Variants in SLC26A7 observed in about 807,000 individuals in gnomAD.
The protein encoded by SLC26A7 is anion exchange transporter.
SLC26A7 carries 59 observed loss-of-function variants against 82.5 expected under a neutral mutation model. The observed-to-expected ratio is 0.72, with a 90% CI of 0.58 to 0.89. The LOEUF (loss-of-function observed/expected upper bound fraction) is 0.89, where lower values mean the gene tolerates loss of function less well. Among genes scored for constraint, SLC26A7 ranks in the 40% least tolerant of loss-of-function variants. The pLI is 0.00. For missense variants in SLC26A7, 820 were observed against 793.0 expected, an observed-to-expected ratio of 1.03 and a Z score of -0.41; for synonymous variants, 271 against 274.3, an observed-to-expected ratio of 0.99 and a Z score of 0.12.
At chr8:91,223,728 T>C (rs1810195992) in intron 2 of SLC26A7, among the ~76,000 whole-genome samples, 1 of 152,198 alleles carries the variant, frequency 6.6e-6, no homozygotes, top group African/African-American at 2.4e-5. Context: ...CCTGTCTTGC[T>C]AGGTTGGGGA....
chr8:91,217,715 C>T (rs1366265116), intron 1 of SLC26A7, among the ~76,000 whole-genome samples: 2 of 152,140 alleles, frequency 1.3e-5, no homozygotes, highest in East Asian at 3.8e-4. Flanking sequence ...GGCTTTTGTG[C>T]CAGCACAATG....
At chr8:91,375,660 GTTT>G (rs111393337) in intron 15 of SLC26A7, among the ~76,000 whole-genome samples, 3 of 136,684 alleles carry the variant, frequency 2.2e-5, no homozygotes, top group Non-Finnish European at 1.6e-5. Context: ...CCTTTAAGTT[GTTT>G]TTTTTTTTTT....
intron 14 of SLC26A7, among the ~76,000 whole-genome samples, 162 bp downstream of exon 14, chr8:91,366,879 A>C (rs1814209759): frequency 6.6e-6 from 1 of 152,182 alleles, no homozygotes; most frequent in Non-Finnish European, 1.5e-5. Flanking sequence ...ATTTTTAGGT[A>C]ATCACTCTCT....
intron 14 of SLC26A7, among the ~76,000 whole-genome samples, chr8:91,367,981 G>A (rs960486578): frequency 6.6e-6 from 1 of 152,268 alleles, no homozygotes; most frequent in East Asian, 1.9e-4. Context: ...TTATATACAG[G>A]ATCAGATACG....
chr8:91,247,645 C>CT (rs1462232522), upstream of SLC26A7, among the ~76,000 whole-genome samples: 1 of 152,112 alleles, frequency 6.6e-6, no homozygotes, highest in South Asian at 2.1e-4. Flanking sequence ...TCTACCCTCT[C>CT]TTGGTCTTGA....
In SLC26A7 at chr8:91,316,584, A is replaced by G. The variant is rs1336651448; in HGVS notation, c.478-1632A>G. On this transcript the variant is annotated intron_variant, in intron 4 of 18. Transcript: ENST00000276609. ...CGACCTCCCAAAGTGCTGGGATTAC[A>G]GAAATGAGCCACTGTGCTGGGCTTG... Among the ~76,000 whole-genome samples the G allele has an allele frequency of 2.0e-5, 3 of 148,746 alleles. No homozygotes were observed. The South Asian group carries it at 6.4e-4, about 32-fold the overall frequency.
At chr8:91,320,204 C>T (rs1370655325) in intron 5 of SLC26A7, among the ~76,000 whole-genome samples, 1 of 151,974 alleles carries the variant, frequency 6.6e-6, no homozygotes, top group Non-Finnish European at 1.5e-5. Context: ...CTGGGACTAC[C>T]AGTGCGTGCC....
At chr8:91,382,116 A>G (rs1305761896) in intron 15 of SLC26A7, among the ~76,000 whole-genome samples, 2 of 152,196 alleles carry the variant, frequency 1.3e-5, no homozygotes, top group African/African-American at 4.8e-5. Flanking sequence ...AGAAGCTACT[A>G]CAAATGGAGT....
chr8:91,379,522 A>G (rs1350409596), intron 15 of SLC26A7, among the ~76,000 whole-genome samples: 2 of 152,062 alleles, frequency 1.3e-5, no homozygotes, highest in Admixed American at 1.3e-4. Flanking sequence ...CATGTATTGC[A>G]GTTTTATTTA....
At chr8:91,339,796 C>A (rs1183849569) in intron 7 of SLC26A7, among the ~76,000 whole-genome samples, 1 of 152,030 alleles carries the variant, frequency 6.6e-6, no homozygotes, top group Non-Finnish European at 1.5e-5. Context: ...TTGAACAGTT[C>A]TTTGAAATGG....
At chr8:91,284,482 G>T (rs1298337229) in intron 2 of SLC26A7, among the ~76,000 whole-genome samples, 1 of 152,198 alleles carries the variant, frequency 6.6e-6, no homozygotes, top group African/African-American at 2.4e-5. Context: ...AGCTTTAAAA[G>T]ACTAACCACA....
At chr8:91,335,505 G>A (rs1258595893) in intron 6 of SLC26A7, among the ~76,000 whole-genome samples, 1 of 152,098 alleles carries the variant, frequency 6.6e-6, no homozygotes, top group Non-Finnish European at 1.5e-5. Context: ...TTGAAGTCCT[G>A]TAGATATTAA....
At chr8:91,386,596 A>C (rs1367477725) in intron 15 of SLC26A7, among the ~76,000 whole-genome samples, 3 of 152,152 alleles carry the variant, frequency 2.0e-5, no homozygotes, top group Non-Finnish European at 4.4e-5. Flanking sequence ...AAACTTACTG[A>C]TGATTTTCTT....
chr8:91,330,883 A>G (rs1238677096), intron 5 of SLC26A7, among the ~76,000 whole-genome samples: 2 of 152,148 alleles, frequency 1.3e-5, no homozygotes, highest in Non-Finnish European at 2.9e-5. Flanking sequence ...TTCAAAACAA[A>G]TATCACAGAC....
chr8:91,379,066 A>G (rs1814597275), intron 15 of SLC26A7, among the ~76,000 whole-genome samples: 1 of 152,070 alleles, frequency 6.6e-6, no homozygotes, highest in Admixed American at 6.5e-5. Flanking sequence ...ATCTTTAAAA[A>G]AAATCAAATC....
chr8:91,318,233 G>T lies in SLC26A7; in HGVS notation c.495G>T (p.Leu165=). 6.3e-7 allele frequency: 1 copy of T among 1,597,530 alleles called. No homozygotes were observed. Among genetic ancestry groups the T allele is most frequent in the South Asian group, 1.1e-5 (1 of 88,758 alleles). The stretch of plus-strand genomic sequence containing the variant: ...CCTCTTAGGTGGCCATGTTTGTGCT[G>T]CAACTGGGCAGTGCCACATTTGTGG... The part of the protein sequence containing the change: ...GGVIQVAMFV[L]QLGSATFVVT... The change falls in exon 5 of 19, where the codon CTG becomes CTT. Residue 165 remains leucine, a synonymous_variant. Transcript: ENST00000276609.
intron 4 of SLC26A7, among the ~76,000 whole-genome samples, chr8:91,309,247 T>C (rs150409759): frequency 2.5e-3 from 374 of 151,492 alleles, no homozygotes; most frequent in African/African-American, 8.7e-3. Flanking sequence ...ATATACGTTA[T>C]GTATATTAAT....
intron 2 of SLC26A7, among the ~76,000 whole-genome samples, chr8:91,257,338 A>G (rs1810832129): frequency 6.6e-6 from 1 of 152,142 alleles, no homozygotes; most frequent in Non-Finnish European, 1.5e-5. Context: ...AGGGAAAATA[A>G]CGAGGCTTAC....
rs1810605877 is a variant in SLC26A7 at position 91,249,702 on chromosome 8, T to A, written c.51T>A (p.His17Gln). 2 of 1,588,794 alleles carry A rather than the reference T, an allele frequency of 1.3e-6. No individual in the cohort carries two copies. The highest frequency in any genetic ancestry group is 1.7e-4 in the Middle Eastern group (1 of 5,966). ...KKKSMLWSKM[H>Q]TPQCEDIIQW... The stretch of plus-strand genomic sequence containing the variant: ...AAAGCATGCTTTGGAGCAAGATGCA[T>A]ACCCCCCAGTGTGAAGACATTATAC... The change falls in exon 2 of 19, where the codon CAT becomes CAA. Residue 17 changes from histidine to glutamine, a missense_variant. His to Gln is a conservative substitution (Grantham distance 24, BLOSUM62 0). Transcript: ENST00000276609.
Sources: gnomAD v4.1 joint callset for allele counts (sites outside exome capture counted in the v4.1 genomes callset) on GRCh38, gnomAD v4.1.1 for gene constraint, MANE v1.5 for transcripts, NCBI Gene and HGNC (gene_info 2026-07-23, HGNC 2026-07-21) for gene names.